Variants in ASAP1 observed in about 807,000 individuals in gnomAD.
ASAP1 encodes the protein arf-GAP with SH3 domain, ANK repeat and PH domain-containing protein 1.
Under a neutral mutation model 145.2 loss-of-function variants are expected in ASAP1, and 43 were observed. The observed-to-expected ratio is 0.30, with a 90% CI of 0.23 to 0.38. ASAP1 has a LOEUF of 0.38. Ranked by LOEUF, ASAP1 falls within the 10% of genes least tolerant of loss-of-function variation. The pLI is 1.00. For synonymous variants in ASAP1, 546 were observed against 515.5 expected, an observed-to-expected ratio of 1.06 and a Z score of -0.80; for missense variants, 1,018 against 1,355.3, an observed-to-expected ratio of 0.75 and a Z score of 3.91.
At chr8:130,441,308 C>T (rs1830480516) in intron 1 of ASAP1, among the ~76,000 whole-genome samples, 1 of 152,150 alleles carries the variant, frequency 6.6e-6, no homozygotes, top group Non-Finnish European at 1.5e-5. Flanking sequence ...TCCGCTCCTC[C>T]TTAGGACTTC....
chr8:130,228,702 A>C (rs1817730653), intron 4 of ASAP1, among the ~76,000 whole-genome samples: 1 of 52,652 alleles, frequency 1.9e-5, no homozygotes, highest in East Asian at 1.4e-3. Context: ...CCCTGTCTTA[A>C]AAAAAAAAAA....
chr8:130,429,424 G>A (rs907267614), intron 1 of ASAP1, among the ~76,000 whole-genome samples: 2 of 152,206 alleles, frequency 1.3e-5, no homozygotes, highest in East Asian at 1.9e-4. Context: ...AAACCTATGA[G>A]GCAAAAGTCT....
intron 24 of ASAP1, among the ~76,000 whole-genome samples, chr8:130,110,555 A>T (rs2097545009): frequency 6.6e-6 from 1 of 152,212 alleles, no homozygotes; most frequent in Non-Finnish European, 1.5e-5. Context: ...TATGTGAGTG[A>T]TTTAAAAACA....
Position 130,152,727 on chromosome 8 carries a change from C to A in ASAP1, c.1080+9G>T. The stretch of plus-strand genomic sequence containing the variant: ...CCATGAGGCAGGGTAAATTAAGAAA[C>A]ATACTTACTGTGGCATGTGAGATGG... On this transcript the variant is annotated intron_variant, in intron 13 of 29. Coordinates refer to ENST00000518721, the MANE Select transcript of ASAP1 (RefSeq NM_018482.4). The A allele has an allele frequency of 6.2e-7, 1 of 1,600,854 alleles. No individual in the cohort carries two copies. The highest frequency in any genetic ancestry group is 8.5e-7 in the Non-Finnish European group (1 of 1,171,196).
At chr8:130,211,789 G>A (rs1816598769) in intron 5 of ASAP1, among the ~76,000 whole-genome samples, 1 of 152,178 alleles carries the variant, frequency 6.6e-6, no homozygotes, top group African/African-American at 2.4e-5. Context: ...TGGTTGAACT[G>A]GGAATACAAT....
chr8:130,063,803 T>C (rs565017571), intron 27 of ASAP1, among the ~76,000 whole-genome samples: 87 of 152,304 alleles, frequency 5.7e-4, no homozygotes, highest in African/African-American at 2.1e-3. Context: ...GCTGGGCATG[T>C]GCCGTGCCCA....
At chr8:130,114,206 C>A (rs1395505518) in intron 23 of ASAP1, among the ~76,000 whole-genome samples, 2 of 152,170 alleles carry the variant, frequency 1.3e-5, no homozygotes, top group Non-Finnish European at 1.5e-5. Flanking sequence ...TGATTTCGTT[C>A]TTGTGCGAAC....
chr8:130,202,643 A>C (rs1815939055), intron 5 of ASAP1, among the ~76,000 whole-genome samples: 1 of 152,236 alleles, frequency 6.6e-6, no homozygotes, highest in African/African-American at 2.4e-5. Context: ...ATATCTCTTG[A>C]TAATTTACGG....
At chr8:130,114,113 C>T (rs755137189) in intron 23 of ASAP1, among the ~76,000 whole-genome samples, 3 of 152,146 alleles carry the variant, frequency 2.0e-5, no homozygotes, top group Admixed American at 6.5e-5. Context: ...TCTGAGATAA[C>T]GTAAGTGCTT....
At chr8:130,315,303 G>C (rs1823600217) in intron 3 of ASAP1, among the ~76,000 whole-genome samples, 1 of 152,086 alleles carries the variant, frequency 6.6e-6, no homozygotes, top group Admixed American at 6.5e-5. Flanking sequence ...TACATTCTTT[G>C]TATATAACCA....
chr8:130,299,763 C>G (rs1822509436), intron 3 of ASAP1, among the ~76,000 whole-genome samples: 1 of 152,016 alleles, frequency 6.6e-6, no homozygotes, highest in African/African-American at 2.4e-5. Flanking sequence ...AAAGGAATAA[C>G]AACAAAGGCA....
chr8:130,055,792 G>C (rs1278839462), intron 29 of ASAP1, among the ~76,000 whole-genome samples: 1 of 152,174 alleles, frequency 6.6e-6, no homozygotes, highest in Non-Finnish European at 1.5e-5. Context: ...ATGCCAAATC[G>C]ATAGAGAGGA....
chr8:130,154,710 T>C (rs533932186), intron 12 of ASAP1, among the ~76,000 whole-genome samples: 8 of 152,364 alleles, frequency 5.3e-5, no homozygotes, highest in South Asian at 2.1e-4. Context: ...ATTTAACTAC[T>C]AGAAGCACAG....
At chr8:130,131,802 A>G (rs2097583584) in intron 15 of ASAP1, among the ~76,000 whole-genome samples, 1 of 152,144 alleles carries the variant, frequency 6.6e-6, no homozygotes. Flanking sequence ...TGTCTCAGAA[A>G]CAAAACAAAA....
intron 13 of ASAP1, among the ~76,000 whole-genome samples, chr8:130,147,907 T>C (rs575054259): frequency 6.6e-6 from 1 of 152,320 alleles, no homozygotes; most frequent in African/African-American, 2.4e-5. Context: ...TGTTGGTTGA[T>C]TGAGAAAAAA....
chr8:130,235,342 T>G (rs1390115067), intron 4 of ASAP1, among the ~76,000 whole-genome samples: 1 of 152,146 alleles, frequency 6.6e-6, no homozygotes, highest in Admixed American at 6.6e-5. Context: ...TACAGAAAAG[T>G]ACATAAATCC....
chr8:130,107,328 G>A lies in ASAP1; in HGVS notation c.2401+4766C>T, dbSNP rs185491152. Among the ~76,000 whole-genome samples the A allele has an allele frequency of 1.3e-3, 195 of 151,108 alleles. 2 individuals carry two copies. The highest frequency in any genetic ancestry group is 3.4e-3 in the African/African-American group (141 of 41,142). On this transcript the variant is annotated intron_variant, in intron 24 of 29. Transcript: ENST00000518721. ...CTCCCAAGTAGCTGGGACTACAGGCGTCCTCCACCACACCCGGCTAATTTT... is the reference window on the plus strand; with the variant it reads ...CTCCCAAGTAGCTGGGACTACAGGCATCCTCCACCACACCCGGCTAATTTT...
Position 130,115,721 on chromosome 8 carries a change from T to C in ASAP1, c.2079A>G (p.Lys693=). Residue 693 remains lysine (K), a synonymous_variant, in exon 23 of 30, where the codon AAA becomes AAG. Coordinates refer to ENST00000518721, the MANE Select transcript of ASAP1 (RefSeq NM_018482.4). ...TQCEDLLSQA[K]SGKFNPHVHV... is the part of the protein sequence containing the mutation. ...GGACGTGTGGATTGAACTTTCCAGA[T>C]TTAGCCTGGGAAAGCTGGAAGGAAC... is the stretch of plus-strand genomic sequence containing the variant. The C allele has an allele frequency of 6.2e-7, 1 of 1,613,484 alleles. No homozygotes were observed.
intron 3 of ASAP1, among the ~76,000 whole-genome samples, chr8:130,314,641 G>A (rs1823558887): frequency 6.6e-6 from 1 of 152,330 alleles, no homozygotes; most frequent in East Asian, 1.9e-4. Context: ...AGCATGCTGC[G>A]CTTCCCAGTG....
Sources: allele counts gnomAD v4.1 joint callset (sites outside exome capture counted in the v4.1 genomes callset), GRCh38; gene constraint gnomAD v4.1.1; transcripts MANE v1.5; gene names NCBI Gene and HGNC (gene_info 2026-07-23, HGNC 2026-07-21).